ADAM12: variants seen among roughly 807,000 people sequenced by gnomAD.
ADAM12 encodes the protein ADAM metallopeptidase domain 12.
In ADAM12, 70 loss-of-function variants were observed where a neutral mutation model predicts 106.4. The observed-to-expected ratio is 0.66, with a 90% CI of 0.54 to 0.80. The LOEUF (loss-of-function observed/expected upper bound fraction) is 0.80. Among genes scored for constraint, ADAM12 ranks in the 30% least tolerant of loss-of-function variants. The pLI is 0.00. For missense variants in ADAM12, 1,010 were observed against 1,171.9 expected (o/e 0.86, Z 2.02); for synonymous variants, 420 against 433.5 (o/e 0.97, Z 0.39).
In ADAM12 at chr10:126,221,845, A is replaced by G. The variant is rs1023982478; in HGVS notation, c.260+57070T>C. On this transcript the variant is annotated intron_variant, in intron 3 of 22. Transcript: ENST00000448723. ...CTACGAAACTCTACTATGTTAAAAG[A>G]GTAACCAAAGCTGTCACTCATTAAA... Among the ~76,000 whole-genome samples the G allele has an allele frequency of 1.3e-5, 2 of 152,252 alleles. 1 individual carries two copies. The highest frequency in any genetic ancestry group is 2.9e-5 in the Non-Finnish European group (2 of 68,042).
At chr10:126,270,711 G>C (rs1339111768) in intron 3 of ADAM12, among the ~76,000 whole-genome samples, 1 of 152,140 alleles carries the variant, frequency 6.6e-6, no homozygotes, top group Non-Finnish European at 1.5e-5. Context: ...CCTGATGCTG[G>C]TGGTCTTGAA....
chr10:126,169,331 G>A (rs888729943), intron 3 of ADAM12, among the ~76,000 whole-genome samples: 5 of 152,178 alleles, frequency 3.3e-5, no homozygotes, highest in African/African-American at 7.2e-5. Flanking sequence ...GTTCTGCCCT[G>A]TTCCTTGAGC....
At chr10:126,378,704 A>G (rs1856384681) in intron 1 of ADAM12, among the ~76,000 whole-genome samples, 1 of 152,338 alleles carries the variant, frequency 6.6e-6, no homozygotes, top group South Asian at 2.1e-4. Context: ...AACATTTTAC[A>G]TCTTTAAATG....
At chr10:126,138,718 G>C (rs926607867) in intron 4 of ADAM12, among the ~76,000 whole-genome samples, 2 of 151,828 alleles carry the variant, frequency 1.3e-5, no homozygotes, top group African/African-American at 4.8e-5. Context: ...TCAAAATTTT[G>C]ATGAGGTCTT....
chr10:126,122,653 T>C (rs1358797279), intron 5 of ADAM12, among the ~76,000 whole-genome samples: 1 of 151,964 alleles, frequency 6.6e-6, no homozygotes, highest in African/African-American at 2.4e-5. Context: ...CCCAGCTACT[T>C]GGGAGGCTGA....
chr10:126,039,281 A>G lies in ADAM12; in HGVS notation c.2240+13T>C. On this transcript the variant is annotated intron_variant, in intron 19 of 22. Transcript: ENST00000448723. ...CCATTTCTAGAACAGATGACAAGCT[A>G]AACCCAGGGTACCTTAGTTTTTCAA... 6.2e-7 allele frequency: 1 copy of G among 1,613,394 alleles called. No homozygotes were observed. Among genetic ancestry groups the G allele is most frequent in the Non-Finnish European group, 8.5e-7 (1 of 1,179,584 alleles).
At chr10:126,277,412 A>G (rs2886686) in intron 3 of ADAM12, among the ~76,000 whole-genome samples, 103,446 of 151,872 alleles carry the variant, frequency 0.68, 37,628 homozygotes, top group Non-Finnish European at 0.81. Flanking sequence ...TGCAATAAAG[A>G]ACACTCCTAA....
At chr10:126,113,856 G>A (rs1955931398) in intron 6 of ADAM12, among the ~76,000 whole-genome samples, 1 of 150,614 alleles carries the variant, frequency 6.6e-6, no homozygotes, top group Non-Finnish European at 1.5e-5. Flanking sequence ...CAGTCATGAT[G>A]GACATGGGTA....
Position 126,126,247 on chromosome 10 carries a change from C to T in ADAM12, c.417-8023G>A, listed in dbSNP as rs537096854. On this transcript the variant is annotated intron_variant, in intron 5 of 22. Transcript: ENST00000448723. ...TTCAGGGTCACGCACAGCACTAATG[C>T]TGGGGATGACCTTCGAGGCTGATGA... 5.3e-5 allele frequency among the ~76,000 whole-genome samples: 8 copies of T among 152,164 alleles called. No homozygotes were observed. The East Asian group carries it at 1.6e-3, about 30-fold the overall frequency.
At chr10:126,122,457 A>G (rs563481845) in intron 5 of ADAM12, among the ~76,000 whole-genome samples, 92 of 152,302 alleles carry the variant, frequency 6.0e-4, no homozygotes, top group Admixed American at 2.1e-3. Context: ...AAGGATGCGA[A>G]CTTAAAAAAA....
intron 8 of ADAM12, among the ~76,000 whole-genome samples, chr10:126,103,449 T>C (rs1955705555): frequency 6.6e-6 from 1 of 152,238 alleles, no homozygotes. Flanking sequence ...CGGTGGTTTC[T>C]GTGCTGTGGC....
At chr10:126,328,504 C>T (rs915962963) in intron 2 of ADAM12, among the ~76,000 whole-genome samples, 1 of 152,202 alleles carries the variant, frequency 6.6e-6, no homozygotes, top group African/African-American at 2.4e-5. Flanking sequence ...ACGTCTTCCC[C>T]ATGGGGAATT....
At chr10:126,155,117 C>G (rs1413448064) in intron 4 of ADAM12, 110 bp downstream of exon 4, 5 of 1,198,930 alleles carry the variant, frequency 4.2e-6, no homozygotes, top group Admixed American at 1.9e-5. Flanking sequence ...CTTGGGGGGG[C>G]CTAAGTTAAG....
intron 1 of ADAM12, among the ~76,000 whole-genome samples, chr10:126,373,523 C>A (rs558575806): frequency 6.6e-6 from 1 of 152,328 alleles, no homozygotes; most frequent in African/African-American, 2.4e-5. Flanking sequence ...ATTTTCTGTA[C>A]ATTTTTATGA....
intron 3 of ADAM12, among the ~76,000 whole-genome samples, chr10:126,269,785 T>C (rs117730090): frequency 4.1e-3 from 623 of 152,310 alleles, no homozygotes; most frequent in Non-Finnish European, 6.8e-3. Context: ...TCCATCTCCA[T>C]CTCAAATGCC....
chr10:126,093,984 C>T lies in ADAM12; in HGVS notation c.1145+1G>A. On this transcript the variant is annotated splice_donor_variant, in intron 11 of 22. Transcript: ENST00000448723. LOFTEE classifies it high-confidence loss of function. ...AAGCAGATGGAAGCAATGGTACTTGCCCGGTGGAAGCGTTCATGATGCAGC... is the reference window on the plus strand; with the variant it reads ...AAGCAGATGGAAGCAATGGTACTTGTCCGGTGGAAGCGTTCATGATGCAGC... The T allele has an allele frequency of 6.2e-7, 1 of 1,614,032 alleles. No individual in the cohort carries two copies.
intron 2 of ADAM12, among the ~76,000 whole-genome samples, chr10:126,321,628 T>C (rs1471545073): frequency 6.6e-6 from 1 of 152,042 alleles, no homozygotes; most frequent in Non-Finnish European, 1.5e-5. Context: ...GATGCAACAA[T>C]CACATCTTGT....
At chr10:126,376,183 G>A (rs1856287181) in intron 1 of ADAM12, among the ~76,000 whole-genome samples, 1 of 152,098 alleles carries the variant, frequency 6.6e-6, no homozygotes, top group African/African-American at 2.4e-5. Flanking sequence ...GAATTTCTAT[G>A]ACGTCAATCT....
intron 14 of ADAM12, among the ~76,000 whole-genome samples, chr10:126,060,735 C>T (rs1954736200): frequency 6.6e-6 from 1 of 152,232 alleles, no homozygotes; most frequent in Admixed American, 6.5e-5. Context: ...CTGCATTTGT[C>T]CGGGATCCAT....
Sources: gnomAD v4.1 joint callset for allele counts (sites outside exome capture counted in the v4.1 genomes callset) on GRCh38, gnomAD v4.1.1 for gene constraint, MANE v1.5 for transcripts, NCBI Gene and HGNC (gene_info 2026-07-23, HGNC 2026-07-21) for gene names.